Variants in UNC5D observed in about 807,000 individuals in gnomAD.
The protein encoded by UNC5D is netrin receptor UNC5D.
In UNC5D, 39 loss-of-function variants were observed where a neutral mutation model predicts 105.4. The ratio of observed to expected loss-of-function variants is 0.37; its 90% confidence interval spans 0.29 to 0.48. The LOEUF (loss-of-function observed/expected upper bound fraction) is 0.48, where lower values mean the gene tolerates loss of function less well. Among genes scored for constraint, UNC5D ranks in the 20% least tolerant of loss-of-function variants. The pLI is 0.98. For missense variants in UNC5D, 991 were observed against 1,202.4 expected, an observed-to-expected ratio of 0.82 and a Z score of 2.60; for synonymous variants, 452 against 450.4, an observed-to-expected ratio of 1.00 and a Z score of -0.04.
intron 2 of UNC5D, among the ~76,000 whole-genome samples, chr8:35,556,714 G>A (rs1244592398): frequency 6.6e-6 from 1 of 152,150 alleles, no homozygotes; most frequent in Non-Finnish European, 1.5e-5. Context: ...TATCTTTAAA[G>A]CAAAATTAGG....
intron 1 of UNC5D, among the ~76,000 whole-genome samples, chr8:35,495,483 C>CAAAAAAAAAAAAA (rs1442607841): frequency 8.7e-6 from 1 of 115,446 alleles, no homozygotes; most frequent in Non-Finnish European, 1.8e-5. Context: ...AAAAAAAAAG[C>CAAAAAAAAAAAAA]AAAAAAATCT....
At chr8:35,342,764 C>T (rs1415349107) in intron 1 of UNC5D, among the ~76,000 whole-genome samples, 1 of 152,026 alleles carries the variant, frequency 6.6e-6, no homozygotes, top group Non-Finnish European at 1.5e-5. Context: ...ACACTGTGCT[C>T]GATCACCTCC....
chr8:35,609,246 T>C (rs549975635), intron 4 of UNC5D, among the ~76,000 whole-genome samples: 2 of 152,290 alleles, frequency 1.3e-5, no homozygotes, highest in East Asian at 3.9e-4. Context: ...CCCAACTCTT[T>C]AGTGGGGTTA....
At chr8:35,538,415 A>G (rs1434779283) in intron 1 of UNC5D, among the ~76,000 whole-genome samples, 1 of 61,970 alleles carries the variant, frequency 1.6e-5, no homozygotes, top group Non-Finnish European at 2.9e-5. Context: ...ATATATATAT[A>G]TATATATATA....
At chr8:35,437,943 G>A (rs764885929) in intron 1 of UNC5D, among the ~76,000 whole-genome samples, 8 of 151,240 alleles carry the variant, frequency 5.3e-5, no homozygotes, top group Non-Finnish European at 7.4e-5. Flanking sequence ...TGAATCTTAT[G>A]GTAAATAATC....
chr8:35,420,507 C>T (rs1220802542), intron 1 of UNC5D, among the ~76,000 whole-genome samples: 1 of 152,096 alleles, frequency 6.6e-6, no homozygotes, highest in Admixed American at 6.5e-5. Flanking sequence ...AAATGAAATT[C>T]AGTATAAAGT....
intron 1 of UNC5D, among the ~76,000 whole-genome samples, chr8:35,433,256 G>A (rs1806776604): frequency 6.6e-6 from 1 of 152,130 alleles, no homozygotes; most frequent in Non-Finnish European, 1.5e-5. Context: ...GATCTACCTG[G>A]CACTTACAAA....
chr8:35,277,219 C>A (rs1411288636), intron 1 of UNC5D, among the ~76,000 whole-genome samples: 1 of 152,172 alleles, frequency 6.6e-6, no homozygotes, highest in East Asian at 1.9e-4. Context: ...GCAGCCCAAC[C>A]CCCAGTTTGA....
chr8:35,396,293 A>G (rs542656060), intron 1 of UNC5D, among the ~76,000 whole-genome samples: 1 of 152,228 alleles, frequency 6.6e-6, no homozygotes, highest in East Asian at 1.9e-4. Context: ...TTACAACGAA[A>G]GGTTACACAG....
At chr8:35,647,981 A>C (rs976205491) in intron 4 of UNC5D, among the ~76,000 whole-genome samples, 3 of 152,314 alleles carry the variant, frequency 2.0e-5, no homozygotes. Context: ...AGCAATAGTC[A>C]GGTCATTAAT....
chr8:35,568,015 G>A, intron 2 of UNC5D, 83 bp from the exon 3 acceptor site: 2 of 1,543,242 alleles, frequency 1.3e-6, no homozygotes, highest in South Asian at 2.5e-5. Context: ...TAATTAAAAA[G>A]AAAAGGTTTG....
chr8:35,326,312 G>A (rs1810156254), intron 1 of UNC5D, among the ~76,000 whole-genome samples: 1 of 152,280 alleles, frequency 6.6e-6, no homozygotes, highest in Admixed American at 6.5e-5. Flanking sequence ...AAGCTGCACA[G>A]GGAAATTGAA....
chr8:35,737,120 T>G (rs1829506881), intron 11 of UNC5D, among the ~76,000 whole-genome samples: 1 of 152,170 alleles, frequency 6.6e-6, no homozygotes, highest in East Asian at 1.9e-4. Flanking sequence ...TGGGCAATAA[T>G]TTATAGTTAC....
chr8:35,310,994 T>C (rs1448227078), intron 1 of UNC5D, among the ~76,000 whole-genome samples: 1 of 152,162 alleles, frequency 6.6e-6, no homozygotes, highest in African/African-American at 2.4e-5. Flanking sequence ...CACCCTAATT[T>C]GACAAATAAT....
chr8:35,691,320 C>T (rs1039873933), intron 7 of UNC5D, among the ~76,000 whole-genome samples: 1 of 151,992 alleles, frequency 6.6e-6, no homozygotes, highest in Non-Finnish European at 1.5e-5. Flanking sequence ...CCGGTCTCTA[C>T]AAAAGAAAAA....
intron 1 of UNC5D, among the ~76,000 whole-genome samples, chr8:35,355,810 G>A (rs1403944422): frequency 6.6e-6 from 1 of 152,034 alleles, no homozygotes; most frequent in African/African-American, 2.4e-5. Flanking sequence ...AACTAGCTAG[G>A]CCCCTTTTGC....
At chr8:35,552,152 G>T (rs752145032) in intron 2 of UNC5D, among the ~76,000 whole-genome samples, 34 of 152,178 alleles carry the variant, frequency 2.2e-4, no homozygotes, top group African/African-American at 7.7e-4. Flanking sequence ...ATGTTCTTCA[G>T]ACCAAAGCAT....
At chr8:35,453,425 G>A (rs919000583) in intron 1 of UNC5D, among the ~76,000 whole-genome samples, 1 of 152,160 alleles carries the variant, frequency 6.6e-6, no homozygotes. Context: ...CATTGAGTCT[G>A]AAAGTTCAAA....
chr8:35,327,108 T>C (rs1295537871), intron 1 of UNC5D, among the ~76,000 whole-genome samples: 1 of 152,170 alleles, frequency 6.6e-6, no homozygotes, highest in Non-Finnish European at 1.5e-5. Flanking sequence ...ATTGCCTTAG[T>C]GCCTTGGCGG....
Sources: allele counts gnomAD v4.1 joint callset (sites outside exome capture counted in the v4.1 genomes callset), GRCh38; gene constraint gnomAD v4.1.1; transcripts MANE v1.5; gene names NCBI Gene and HGNC (gene_info 2026-07-23, HGNC 2026-07-21).